HECW1: variants seen among roughly 807,000 people sequenced by gnomAD.
HECW1 encodes the protein HECT, C2 and WW domain containing E3 ubiquitin protein ligase 1, also known as E3 ubiquitin-protein ligase HECW1.
A neutral mutation model predicts 182.3 loss-of-function variants in HECW1; 61 were observed. The ratio of observed to expected loss-of-function variants is 0.33; its 90% CI spans 0.27 to 0.41. The LOEUF (loss-of-function observed/expected upper bound fraction) is 0.41. Ranked by LOEUF, HECW1 falls within the 10% of genes least tolerant of loss-of-function variation. HECW1 has a pLI of 1.00. For missense variants in HECW1, 1,739 were observed against 2,108.9 expected, an observed-to-expected ratio of 0.82 and a Z score of 3.44; for synonymous variants, 859 against 832.6, an observed-to-expected ratio of 1.03 and a Z score of -0.55.
chr7:43,192,612 G>T (rs189391946), intron 2 of HECW1, among the ~76,000 whole-genome samples: 1 of 151,994 alleles, frequency 6.6e-6, no homozygotes, highest in Non-Finnish European at 1.5e-5. Context: ...TAACTTACGC[G>T]TGCTTATTTT....
At chr7:43,445,630 C>A in intron 11 of HECW1, 60 bp downstream of exon 11, 1 of 1,465,158 alleles carries the variant, frequency 6.8e-7, no homozygotes, top group Non-Finnish European at 9.1e-7. Flanking sequence ...AAGGTGTCAC[C>A]AACAGTTTAA....
intron 24 of HECW1, among the ~76,000 whole-genome samples, chr7:43,534,415 G>C (rs1388865288): frequency 6.6e-6 from 1 of 152,138 alleles, no homozygotes; most frequent in Non-Finnish European, 1.5e-5. Context: ...TAGTTCACTA[G>C]AGAAACTGAA....
At chr7:43,281,706 T>TTGC (rs1391928342) in intron 3 of HECW1, among the ~76,000 whole-genome samples, 1 of 148,062 alleles carries the variant, frequency 6.8e-6, no homozygotes, top group Non-Finnish European at 1.5e-5. Flanking sequence ...TTCTCTTTCT[T>TTGC]TGCTTTCTTT....
intron 3 of HECW1, among the ~76,000 whole-genome samples, chr7:43,254,776 T>G (rs997357728): frequency 6.8e-6 from 1 of 147,694 alleles, no homozygotes; most frequent in Non-Finnish European, 1.5e-5. Context: ...CCCAGAGAGA[T>G]GGCTACTCTC....
chr7:43,465,965 GAAGA>G (rs2077754062), intron 14 of HECW1, among the ~76,000 whole-genome samples: 1 of 127,008 alleles, frequency 7.9e-6, no homozygotes, highest in Non-Finnish European at 1.6e-5. Context: ...GAGAAAGAAA[GAAGA>G]AAGAAGGGAG....
At chr7:43,463,617 C>G in intron 13 of HECW1, 43 bp from the exon 14 acceptor site, 1 of 1,589,654 alleles carries the variant, frequency 6.3e-7, no homozygotes, top group Non-Finnish European at 8.6e-7. Flanking sequence ...CCCCAAGGAG[C>G]AAACCAAAGT....
intron 2 of HECW1, among the ~76,000 whole-genome samples, chr7:43,186,668 C>CA (rs112678392): frequency 0.016 from 1,465 of 92,578 alleles, 19 homozygotes; most frequent in Middle Eastern, 0.066. Context: ...GACTCCGTCT[C>CA]AAAAAAAAAA....
At chr7:43,242,316 G>A (rs568709212) in intron 2 of HECW1, among the ~76,000 whole-genome samples, 5 of 152,296 alleles carry the variant, frequency 3.3e-5, no homozygotes, top group African/African-American at 1.2e-4. Flanking sequence ...TTTGGACCAC[G>A]CTGGAGGAGG....
intron 16 of HECW1, among the ~76,000 whole-genome samples, chr7:43,478,135 G>A (rs552923104): frequency 1.7e-3 from 266 of 152,280 alleles, no homozygotes; most frequent in Non-Finnish European, 2.8e-3. Flanking sequence ...GAGAGTGTTC[G>A]GCCAGGCTTG....
intron 7 of HECW1, among the ~76,000 whole-genome samples, chr7:43,399,209 A>AAACAT (rs1391806959): frequency 2.6e-5 from 4 of 152,204 alleles, no homozygotes; most frequent in African/African-American, 9.6e-5. Context: ...TCTTTGTTTC[A>AAACAT]AAGGTAAACC....
Position 43,173,100 on chromosome 7 carries a change from C to T in HECW1, c.-32+58709C>T, listed in dbSNP as rs528670926. Among the ~76,000 whole-genome samples the T allele has an allele frequency of 2.0e-5, 3 of 152,194 alleles. No individual in the cohort carries two copies. The South Asian group carries it at 6.2e-4, about 32-fold the overall frequency. ...ATTCTCTATTTTACATATTCTGGTTCTATGTAAAATTTAATTTGAAACTGG... is the reference window on the plus strand; with the variant it reads ...ATTCTCTATTTTACATATTCTGGTTTTATGTAAAATTTAATTTGAAACTGG... On this transcript the variant is annotated intron_variant, in intron 2 of 29. Transcript: ENST00000395891.
At chr7:43,466,618 AAC>A in intron 15 of HECW1, 50 bp downstream of exon 15, 3 of 1,587,948 alleles carry the variant, frequency 1.9e-6, no homozygotes, top group Non-Finnish European at 2.6e-6. Context: ...CAAGACCCAA[AAC>A]ACAGCTTTGT....
intron 2 of HECW1, chr7:43,119,272 A>G (rs1447721102): frequency 6.6e-6 from 1 of 152,278 alleles, no homozygotes. Context: ...GGTGAAGTAC[A>G]AGGGCACAGC....
intron 24 of HECW1, among the ~76,000 whole-genome samples, chr7:43,534,235 A>G (rs1265761846): frequency 6.6e-6 from 1 of 152,210 alleles, no homozygotes; most frequent in Non-Finnish European, 1.5e-5. Flanking sequence ...TTGGCAAACT[A>G]TCCCGCTTCC....
chr7:43,154,462 C>T (rs540249469), intron 2 of HECW1, among the ~76,000 whole-genome samples: 1 of 152,190 alleles, frequency 6.6e-6, no homozygotes, highest in South Asian at 2.1e-4. Flanking sequence ...CTATTTGTCC[C>T]CTTTGCATTT....
At chr7:43,541,360 C>CT in intron 25 of HECW1, 99 bp downstream of exon 25, 1 of 892,510 alleles carries the variant, frequency 1.1e-6, no homozygotes, top group Non-Finnish European at 1.9e-6. Context: ...CTATTTTGCC[C>CT]TAACCATTCC....
chr7:43,470,808 C>T (rs1420017597), intron 16 of HECW1, among the ~76,000 whole-genome samples: 1 of 152,194 alleles, frequency 6.6e-6, no homozygotes, highest in South Asian at 2.1e-4. Context: ...TACACACACT[C>T]ATAGTTACAG....
At position 43,336,144 on chromosome 7, in the gene HECW1, T is replaced by TTCTCTCTC. The variant is rs768468130; in HGVS notation, c.460+15450_460+15457dup. The stretch of plus-strand genomic sequence containing the variant: ...TTTCTTTCTCTCTCTCTCTCTCTCT[T>TTCTCTCTC]TCTCTCTCTCTCTCTCTCTCTCTCT... On this transcript the variant is annotated intron_variant, in intron 5 of 29. Transcript: ENST00000395891. Among the ~76,000 whole-genome samples, 29 of 51,974 alleles carry TTCTCTCTC rather than the reference T, an allele frequency of 5.6e-4. 1 individual carries two copies. Among genetic ancestry groups the TTCTCTCTC allele is most frequent in the South Asian group, 8.3e-4 (1 of 1,206 alleles). 34.1% of individuals were successfully genotyped at this position (51,974 alleles called of 152,430 possible). A position where few individuals can be genotyped will look rare whatever the true frequency, so the allele number is the denominator to read the frequency against.
chr7:43,355,059 T>C (rs2152808416), intron 5 of HECW1, among the ~76,000 whole-genome samples: 1 of 149,174 alleles, frequency 6.7e-6, no homozygotes, highest in Admixed American at 6.7e-5. Context: ...TCCCAGGAAT[T>C]CCGTATCCAG....
Sources: gnomAD v4.1 joint callset for allele counts (sites outside exome capture counted in the v4.1 genomes callset) on GRCh38, gnomAD v4.1.1 for gene constraint, MANE v1.5 for transcripts, NCBI Gene and HGNC (gene_info 2026-07-23, HGNC 2026-07-21) for gene names.